KIAA1217: variants seen among roughly 807,000 people sequenced by gnomAD.
KIAA1217 encodes sickle tail protein homolog.
A neutral mutation model predicts 163.9 loss-of-function variants in KIAA1217; 88 were observed. The observed-to-expected ratio is 0.54, with a 90% CI of 0.45 to 0.64. The LOEUF is 0.64. Among genes scored for constraint, KIAA1217 ranks in the 30% least tolerant of loss-of-function variants. KIAA1217 has a pLI of 0.00. For synonymous variants in KIAA1217, 903 were observed against 923.1 expected (o/e 0.98, Z 0.39); for missense variants, 2,372 against 2,475.0 (o/e 0.96, Z 0.88).
intron 1 of KIAA1217, among the ~76,000 whole-genome samples, chr10:23,790,975 G>C (rs1419424663): frequency 6.6e-6 from 1 of 151,954 alleles, no homozygotes. Context: ...CCTCAAGTGA[G>C]CCTCCTGCCT....
At chr10:24,156,314 T>G (rs1169399749) in intron 2 of KIAA1217, among the ~76,000 whole-genome samples, 2 of 152,226 alleles carry the variant, frequency 1.3e-5, no homozygotes. Context: ...TTCTTTTTAC[T>G]GTTGAGTAGT....
intron 2 of KIAA1217, among the ~76,000 whole-genome samples, chr10:24,136,222 T>G (rs1343580482): frequency 6.6e-6 from 1 of 152,114 alleles, no homozygotes; most frequent in Non-Finnish European, 1.5e-5. Flanking sequence ...TCTATGCATA[T>G]TTGTGCTATA....
chr10:24,368,391 C>G (rs2051085970), intron 2 of KIAA1217, among the ~76,000 whole-genome samples: 1 of 151,910 alleles, frequency 6.6e-6, no homozygotes, highest in Admixed American at 6.6e-5. Context: ...TTTGGGATTC[C>G]CTCCCGCTAT....
chr10:23,952,442 G>A (rs1472229805), intron 1 of KIAA1217, among the ~76,000 whole-genome samples: 2 of 152,108 alleles, frequency 1.3e-5, no homozygotes, highest in African/African-American at 2.4e-5. Context: ...AAACATGGGG[G>A]GCTATAATAA....
intron 1 of KIAA1217, among the ~76,000 whole-genome samples, chr10:23,800,813 C>T (rs927992864): frequency 1.3e-5 from 2 of 152,072 alleles, no homozygotes; most frequent in Non-Finnish European, 2.9e-5. Context: ...ATCACTAAAA[C>T]GTCAGGAAAC....
At chr10:24,174,292 CA>C (rs1454845361) in intron 2 of KIAA1217, among the ~76,000 whole-genome samples, 2 of 152,322 alleles carry the variant, frequency 1.3e-5, no homozygotes, top group East Asian at 3.9e-4. Context: ...GCCACCTGGG[CA>C]GCTTGTCCTT....
chr10:23,992,628 A>AGTCTTACTCTGTTGCCCAGGCTTGAATGC (rs1564594061), intron 1 of KIAA1217, among the ~76,000 whole-genome samples: 1 of 140,746 alleles, frequency 7.1e-6, no homozygotes, highest in African/African-American at 2.7e-5. Context: ...TTTTTTTTGG[A>AGTCTTACTCTGTTGCCCAGGCTTGAATGC]AGCCCTCGTG....
chr10:24,090,171 T>TTTTTTTTTTTTTTTTTTTTC (rs2061874027), intron 2 of KIAA1217, among the ~76,000 whole-genome samples: 1 of 140,734 alleles, frequency 7.1e-6, no homozygotes, highest in Non-Finnish European at 1.5e-5. Context: ...TTTCTTTTTT[T>TTTTTTTTTTTTTTTTTTTTC]TTTTTTTTTT....
chr10:23,704,252 G>T (rs1836731858), intron 1 of KIAA1217, among the ~76,000 whole-genome samples: 1 of 133,550 alleles, frequency 7.5e-6, no homozygotes, highest in African/African-American at 2.9e-5. Context: ...TGACCCCAGG[G>T]CTTCTTTTTT....
At chr10:23,744,330 A>G (rs978175857) in intron 1 of KIAA1217, among the ~76,000 whole-genome samples, 1 of 152,146 alleles carries the variant, frequency 6.6e-6, no homozygotes, top group Non-Finnish European at 1.5e-5. Context: ...GGCGTTTTTC[A>G]GGTCTAAAGG....
chr10:24,172,774 C>A (rs1156826281), intron 2 of KIAA1217, among the ~76,000 whole-genome samples: 1 of 152,118 alleles, frequency 6.6e-6, no homozygotes, highest in Non-Finnish European at 1.5e-5. Flanking sequence ...TCAGGCACTC[C>A]GTATATTTTG....
chr10:23,786,298 T>A (rs1176615123), intron 1 of KIAA1217, among the ~76,000 whole-genome samples: 1 of 151,498 alleles, frequency 6.6e-6, no homozygotes, highest in African/African-American at 2.4e-5. Context: ...TTTGGGGTGA[T>A]GGGAGGAGGG....
intron 2 of KIAA1217, among the ~76,000 whole-genome samples, chr10:24,312,247 C>T (rs1264377804): frequency 2.0e-5 from 3 of 151,406 alleles, no homozygotes; most frequent in African/African-American, 4.9e-5. Flanking sequence ...CAGACATGGC[C>T]GGAAGCCTCA....
At chr10:23,993,550 C>T (rs1846316195) in intron 1 of KIAA1217, among the ~76,000 whole-genome samples, 1 of 48,998 alleles carries the variant, frequency 2.0e-5, no homozygotes, top group South Asian at 6.1e-4. Flanking sequence ...CTCCATAGCC[C>T]AGCTTTTTTT....
chr10:24,329,216 TATAA>T lies in KIAA1217; in HGVS notation c.355-51649_355-51646del, dbSNP rs71977386. Among the ~76,000 whole-genome samples the T allele has an allele frequency of 4.0e-3, 596 of 148,026 alleles. 2 individuals carry two copies. The highest frequency in any genetic ancestry group is 0.013 in the African/African-American group (534 of 40,800). On this transcript the variant is annotated intron_variant, in intron 2 of 20. Transcript: ENST00000376454. The stretch of plus-strand genomic sequence containing the variant: ...TAGTATATAAATAGTGTACCTAGTA[TATAA>T]ATAGTATAAATATATGCTATTTATA...
At chr10:24,405,785 C>T (rs1263085294) in intron 3 of KIAA1217, among the ~76,000 whole-genome samples, 2 of 152,074 alleles carry the variant, frequency 1.3e-5, no homozygotes, top group Non-Finnish European at 2.9e-5. Context: ...CAAGTTAGAG[C>T]GGTAAGTGGT....
At chr10:23,883,454 T>C (rs1213672832) in intron 1 of KIAA1217, among the ~76,000 whole-genome samples, 2 of 151,896 alleles carry the variant, frequency 1.3e-5, no homozygotes, top group African/African-American at 4.8e-5. Context: ...CAGTACACGT[T>C]TTTTCAAAAC....
At chr10:24,080,320 C>T (rs1024721624) in intron 2 of KIAA1217, among the ~76,000 whole-genome samples, 1 of 152,142 alleles carries the variant, frequency 6.6e-6, no homozygotes, top group Non-Finnish European at 1.5e-5. Context: ...TACGGCATTC[C>T]TGGGTCAGTG....
chr10:23,798,727 G>A (rs566183448), intron 1 of KIAA1217, among the ~76,000 whole-genome samples: 2 of 152,258 alleles, frequency 1.3e-5, no homozygotes, highest in African/African-American at 4.8e-5. Flanking sequence ...GCAAGGTGCT[G>A]TACTTCTAGT....
Sources: allele counts gnomAD v4.1 joint callset (sites outside exome capture counted in the v4.1 genomes callset), GRCh38; gene constraint gnomAD v4.1.1; transcripts MANE v1.5; gene names NCBI Gene and HGNC (gene_info 2026-07-23, HGNC 2026-07-21).